CDK4: variants seen among roughly 807,000 people sequenced by gnomAD.
CDK4 encodes cyclin dependent kinase 4.
Under a neutral mutation model 36.7 loss-of-function variants are expected in CDK4, and 13 were observed. The observed-to-expected ratio is 0.35, with a 90% CI of 0.23 to 0.56. The LOEUF is 0.56. Among genes scored for constraint, CDK4 ranks in the 20% least tolerant of loss-of-function variants. CDK4 has a pLI of 0.85. For missense variants in CDK4, 285 were observed against 387.3 expected, an observed-to-expected ratio of 0.74 and a Z score of 2.22; for synonymous variants, 158 against 146.4, an observed-to-expected ratio of 1.08 and a Z score of -0.57.
intron 7 of CDK4, 71 bp downstream of exon 7, chr12:57,749,111 G>A (rs2140382276): frequency 3.2e-6 from 5 of 1,580,564 alleles, no homozygotes; most frequent in East Asian, 2.2e-5. Flanking sequence ...AGTGGCCAGG[G>A]CCCTGCATAC....
rs1555201372 is a variant in CDK4, at chr12:57,751,555, G to C, written c.163C>G (p.Arg55Gly). 1 of 1,614,076 alleles carries C rather than the reference G, an allele frequency of 6.2e-7. No individual in the cohort carries two copies. Reference protein sequence around the residue: ...GGGGLPISTVREVALLRRLEA... With the variant: ...GGGGLPISTVGEVALLRRLEA... ...AGTCGCCTCAGTAAAGCCACCTCACGAACTGTGCTGATGGGAAGGCCTCCT... is the reference window on the plus strand; with the variant it reads ...AGTCGCCTCAGTAAAGCCACCTCACCAACTGTGCTGATGGGAAGGCCTCCT... The change falls in exon 2 of 8, where the codon CGT becomes GGT. Residue 55 changes from arginine (R) to glycine (G), a missense_variant. Arg to Gly is a moderately radical substitution (Grantham distance 125). Transcript: ENST00000257904. The surrounding 1 kb of genome is among the most constrained non-coding windows in gnomAD (Gnocchi z 4.5).
chr12:57,748,973 TG>T (rs1167657652), intron 7 of CDK4: 1 of 659,786 alleles, frequency 1.5e-6, no homozygotes, highest in East Asian at 2.8e-5. Flanking sequence ...CCCAAAGTGC[TG>T]GGATTACAGG....
intron 5 of CDK4, 55 bp from the exon 6 acceptor site, chr12:57,749,559 A>G: frequency 2.0e-6 from 3 of 1,528,210 alleles, no homozygotes; most frequent in Non-Finnish European, 2.7e-6. Context: ...TCTTAGTTGA[A>G]TGGTTACTGC....
At position 57,752,221 on chromosome 12, in the gene CDK4, C is replaced by G; in HGVS notation, c.-66G>C. On this transcript the variant is annotated 5_prime_UTR_variant, in exon 1 of 8. Coordinates refer to ENST00000257904, the MANE Select transcript of CDK4 (RefSeq NM_000075.4). ...GTGGGGGCGGCCCGTTATCGGGGCC[C>G]CGGAGCCGGTTCCTACGGCCCCATA... 4.0e-6 allele frequency: 1 copy of G among 249,080 alleles called. No individual in the cohort carries two copies. Among genetic ancestry groups the G allele is most frequent in the Non-Finnish European group, 7.9e-6 (1 of 126,246 alleles). The allele number at this position is 249,080 out of a possible 1,614,324, so 15.4% of individuals were successfully genotyped here.
chr12:57,751,848 C>G lies in CDK4; in HGVS notation c.-19-112G>C. 1 of 742,372 alleles carries G rather than the reference C, an allele frequency of 1.3e-6. No homozygotes were observed. The highest frequency in any genetic ancestry group is 2.3e-6 in the Non-Finnish European group (1 of 430,110). 46.0% of individuals were successfully genotyped at this position (742,372 alleles called of 1,614,324 possible). On this transcript the variant is annotated intron_variant, in intron 1 of 7. Transcript: ENST00000257904. The surrounding 1 kb of genome is among the most constrained non-coding windows in gnomAD (Gnocchi z 4.5). ...AAGCGCAAAGAACACCACCAGCATCCCATCCCCCGCTCCCAGTCTTCCTTG... is the reference window on the plus strand; with the variant it reads ...AAGCGCAAAGAACACCACCAGCATCGCATCCCCCGCTCCCAGTCTTCCTTG...
At position 57,750,996 on chromosome 12, in the gene CDK4, C is replaced by G. The variant is rs2140386499; in HGVS notation, c.449G>C (p.Ser150Thr). The change falls in exon 4 of 8, where the codon AGT (serine) becomes ACT (threonine). Residue 150 changes from serine to threonine, a missense_variant. Ser to Thr is a moderately conservative substitution (Grantham distance 58). Transcript: ENST00000257904. ...DLKPENILVT[S>T]GGTVKLADFG... ...GTCAGCCAGCTTGACTGTTCCACCACTTGTCACCAGAATGTTCTCTGGCTT... is the reference window on the plus strand; with the variant it reads ...GTCAGCCAGCTTGACTGTTCCACCAGTTGTCACCAGAATGTTCTCTGGCTT... 1.2e-6 allele frequency: 2 copies of G among 1,614,154 alleles called. No homozygotes were observed. Among genetic ancestry groups the G allele is most frequent in the African/African-American group, 2.7e-5 (2 of 75,032 alleles).
In CDK4 at chr12:57,748,221, T is replaced by C. The variant is rs1238908150; in HGVS notation, c.*304A>G. On this transcript the variant is annotated 3_prime_UTR_variant, in exon 8 of 8. Transcript: ENST00000257904. ...CAAAGCCAAACAGAGGAAGAAACAT[T>C]AAAAAAAAAAAAAAGACCATTATTT... The C allele has an allele frequency of 3.5e-6, 1 of 286,754 alleles. No homozygotes were observed. The highest frequency in any genetic ancestry group is 6.6e-6 in the Non-Finnish European group (1 of 151,446). The allele number at this position is 286,754 out of a possible 1,614,324, so 17.8% of individuals were successfully genotyped here. A position where few individuals can be genotyped will look rare whatever the true frequency, so the allele number is the denominator to read the frequency against.
chr12:57,748,268 T>TA lies in CDK4; in HGVS notation c.*256dup, dbSNP rs1429246268. The TA allele has an allele frequency of 2.6e-6, 1 of 388,054 alleles. No individual in the cohort carries two copies. 24.0% of individuals were successfully genotyped at this position (388,054 alleles called of 1,614,324 possible). ...ATTTCTTTGTTTTGTTTTTCCTGTA[T>TA]AAAAAAGGACCCCAAATATAAAGGT... On this transcript the variant is annotated 3_prime_UTR_variant, in exon 8 of 8. Transcript: ENST00000257904.
At chr12:57,750,580 G>T in intron 5 of CDK4, 76 bp downstream of exon 5, 1 of 1,024,350 alleles carries the variant, frequency 9.8e-7, no homozygotes, top group Non-Finnish European at 1.6e-6. Context: ...AAAAAAGAAT[G>T]GGCAAGGTAT....
chr12:57,749,504 C>G lies in CDK4; in HGVS notation c.633G>C (p.Lys211Asn), dbSNP rs2140383978. The G allele has an allele frequency of 3.1e-6, 5 of 1,613,996 alleles. No individual in the cohort carries two copies. The highest frequency in any genetic ancestry group is 4.2e-6 in the Non-Finnish European group (5 of 1,179,906). ...CTTCAGAGTTTCCACAGAAGAGAGG[C>G]CTAAGGTGAGAAGGGATATAAGGTA... is the stretch of plus-strand genomic sequence containing the variant. ...GCIFAEMFRRKPLFCGNSEAD... is the reference protein window; with the variant it reads ...GCIFAEMFRRNPLFCGNSEAD... Residue 211 changes from lysine to asparagine, a missense_variant and splice_region_variant, in exon 6 of 8, where the codon AAG (lysine) becomes AAC (asparagine). By Grantham distance (94) the Lys-to-Asn change is moderately conservative. Transcript: ENST00000257904.
Position 57,748,368 on chromosome 12 carries a change from A to G in CDK4, c.*157T>C, listed in dbSNP as rs555555387. ...GGAGAAGGAGAAGCCTCAAAAGGAG[A>G]GGTGGGAGGGGAATGTCATTAAGGC... On this transcript the variant is annotated 3_prime_UTR_variant, in exon 8 of 8. Transcript: ENST00000257904. The G allele has an allele frequency of 6.9e-6, 5 of 720,754 alleles. No individual in the cohort carries two copies. Among genetic ancestry groups the G allele is most frequent in the South Asian group, 4.2e-5 (3 of 70,868 alleles). 44.6% of individuals were successfully genotyped at this position (720,754 alleles called of 1,614,324 possible).
Position 57,748,163 on chromosome 12 carries a change from T to C in CDK4, c.*362A>G, listed in dbSNP as rs1309932398. The C allele has an allele frequency of 5.7e-6, 2 of 351,040 alleles. No individual in the cohort carries two copies. The highest frequency in any genetic ancestry group is 2.1e-5 in the African/African-American group (1 of 48,192). The allele number at this position is 351,040 out of a possible 1,614,324, so 21.7% of individuals were successfully genotyped here. A position where few individuals can be genotyped will look rare whatever the true frequency, so the allele number is the denominator to read the frequency against. On this transcript the variant is annotated 3_prime_UTR_variant, in exon 8 of 8. Transcript: ENST00000257904. ...TTTAAGGTTTTGCAGGAAAGTCCCT[T>C]CTTCCAAGTGGTTTTTCCAAATCGC...
chr12:57,750,153 CAATAAATAAATAAATAAATAAATAAATA>C (rs140233512), intron 5 of CDK4: 16 of 142,042 alleles, frequency 1.1e-4, no homozygotes, highest in African/African-American at 3.7e-4. Context: ...AACCTTATCT[CAATAAATAAATAAATAAATAAATAAATA>C]AATAAATAAA....
chr12:57,752,136 G>T, intron 1 of CDK4, 39 bp downstream of exon 1: 1 of 325,432 alleles, frequency 3.1e-6, no homozygotes, highest in South Asian at 2.6e-5. Flanking sequence ...TGAGGGGGGC[G>T]GGCACTGGTT....
chr12:57,751,997 A>C lies in CDK4; in HGVS notation c.-20+178T>G. 5.9e-6 allele frequency: 3 copies of C among 511,060 alleles called. No individual in the cohort carries two copies. Among genetic ancestry groups the C allele is most frequent in the Admixed American group, 3.2e-5 (1 of 30,834 alleles). 31.7% of individuals were successfully genotyped at this position (511,060 alleles called of 1,614,324 possible). On this transcript the variant is annotated intron_variant, in intron 1 of 7. Coordinates refer to ENST00000257904, the MANE Select transcript of CDK4 (RefSeq NM_000075.4). This position sits in a 1 kb window ranked among gnomAD's most constrained non-coding sequence, Gnocchi z 4.5. Reference sequence around the variant, plus strand: ...CCCGCACAAAGATCACACATGACACATGCCTTGCATCGAAGATCCTACACC... The same window carrying C: ...CCCGCACAAAGATCACACATGACACCTGCCTTGCATCGAAGATCCTACACC...
In CDK4 at chr12:57,748,429, C is replaced by G; in HGVS notation, c.*96G>C. The G allele has an allele frequency of 1.1e-6, 1 of 883,778 alleles. No individual in the cohort carries two copies. The highest frequency in any genetic ancestry group is 1.9e-6 in the Non-Finnish European group (1 of 519,234). The allele number at this position is 883,778 out of a possible 1,614,324, so 54.7% of individuals were successfully genotyped here. On this transcript the variant is annotated 3_prime_UTR_variant, in exon 8 of 8. Transcript: ENST00000257904. Reference sequence around the variant, plus strand: ...TCTCTGTAGAAAGATGGAGGAGGACCCTCCATAGCCTCAGAGATAAAGGCA... The same window carrying G: ...TCTCTGTAGAAAGATGGAGGAGGACGCTCCATAGCCTCAGAGATAAAGGCA...
At chr12:57,750,576 G>T (rs774053383) in intron 5 of CDK4, 80 bp downstream of exon 5, 43 of 1,004,932 alleles carry the variant, frequency 4.3e-5, no homozygotes, top group South Asian at 2.9e-4. Flanking sequence ...CAAAAAAAAA[G>T]AATGGGCAAG....
At chr12:57,748,980 A>G (rs1478550530) in intron 7 of CDK4, 4 of 683,210 alleles carry the variant, frequency 5.9e-6, no homozygotes, top group Non-Finnish European at 1.0e-5. Context: ...TGCTGGGATT[A>G]CAGGCGTGAG....
In CDK4 at chr12:57,748,429, C is replaced by A. The variant is rs951446771; in HGVS notation, c.*96G>T. ...TCTCTGTAGAAAGATGGAGGAGGAC[C>A]CTCCATAGCCTCAGAGATAAAGGCA... On this transcript the variant is annotated 3_prime_UTR_variant, in exon 8 of 8. Transcript: ENST00000257904. 2.0e-5 allele frequency: 18 copies of A among 883,660 alleles called. No individual in the cohort carries two copies. The Admixed American group carries it at 2.2e-4, about 11-fold the overall frequency. 54.7% of individuals were successfully genotyped at this position (883,660 alleles called of 1,614,324 possible). A position where few individuals can be genotyped will look rare whatever the true frequency, so the allele number is the denominator to read the frequency against.
Sources: allele counts gnomAD v4.1 joint callset, GRCh38; gene constraint gnomAD v4.1.1; non-coding constraint Gnocchi (gnomAD v3.1); transcripts MANE v1.5; gene names NCBI Gene and HGNC (gene_info 2026-07-23, HGNC 2026-07-21).